The following ZNF391 variants were observed in gnomAD, a reference collection of about 807,000 sequenced individuals.
ZNF391 encodes zinc finger protein 391.
For missense variants in ZNF391, 375 were observed against 425.5 expected, an observed-to-expected ratio of 0.88 and a Z score of 1.04; for synonymous variants, 126 against 142.1, an observed-to-expected ratio of 0.89 and a Z score of 0.80.
chr6:27,384,912 G>A (rs1761564045), upstream of ZNF391, among the ~76,000 whole-genome samples: 1 of 151,958 alleles, frequency 6.6e-6, no homozygotes, highest in Non-Finnish European at 1.5e-5. Context: ...CAGCTACTTA[G>A]GAGGCTGAGG....
At chr6:27,397,855 C>T (rs1356997567) in intron 1 of ZNF391, among the ~76,000 whole-genome samples, 1 of 152,176 alleles carries the variant, frequency 6.6e-6, no homozygotes, top group Non-Finnish European at 1.5e-5. Flanking sequence ...GTCTCAAACT[C>T]CTGACCTCAA....
upstream of ZNF391, among the ~76,000 whole-genome samples, chr6:27,385,800 C>G (rs1254293767): frequency 6.6e-6 from 1 of 152,118 alleles, no homozygotes; most frequent in African/African-American, 2.4e-5. Flanking sequence ...CATCTATAGA[C>G]TTCATCCAAG....
At chr6:27,381,475 C>T (rs1761506532) in intron 1 of ZNF391, among the ~76,000 whole-genome samples, 1 of 152,258 alleles carries the variant, frequency 6.6e-6, no homozygotes, top group Non-Finnish European at 1.5e-5. Flanking sequence ...GAGCCGGCTC[C>T]GGCCTTGGCC....
At position 27,400,576 on chromosome 6, in the gene ZNF391, C is replaced by G. The variant is rs768483258; in HGVS notation, c.206C>G (p.Pro69Arg). The G allele has an allele frequency of 9.3e-6, 15 of 1,614,028 alleles. No individual in the cohort carries two copies. The South Asian group carries it at 9.9e-5, about 11-fold the overall frequency. The change falls in exon 3 of 3, where the codon CCA (proline) becomes CGA (arginine). Residue 69 changes from proline to arginine, a missense_variant. Coordinates refer to ENST00000244576, the MANE Select transcript of ZNF391 (RefSeq NM_001076781.3). ...GAATCCAGTGAATTTAGTCTAAGCC[C>G]AAACCTTGACGCACAACAGAAAATT... ...GPESSEFSLSPNLDAQQKIPK... is the reference protein window; with the variant it reads ...GPESSEFSLSRNLDAQQKIPK...
intron 1 of ZNF391, chr6:27,389,583 G>T (rs945973861): frequency 3.9e-5 from 15 of 385,506 alleles, no homozygotes; most frequent in Non-Finnish European, 5.9e-5. Flanking sequence ...AGGCCAAGGC[G>T]GGCGGATCAC....
At chr6:27,383,697 T>G (rs747255965) in intron 1 of ZNF391, among the ~76,000 whole-genome samples, 17 of 152,198 alleles carry the variant, frequency 1.1e-4, no homozygotes, top group Non-Finnish European at 2.2e-4. Flanking sequence ...CCTCATCTAA[T>G]CCTAGTTACT....
intron 1 of ZNF391, among the ~76,000 whole-genome samples, chr6:27,391,474 T>G (rs1377325157): frequency 1.3e-5 from 2 of 152,052 alleles, no homozygotes; most frequent in East Asian, 3.9e-4. Flanking sequence ...TCCCAATCAT[T>G]ACTTCTTAAT....
At chr6:27,377,890 C>G (rs1761441380) in intron 1 of ZNF391, among the ~76,000 whole-genome samples, 3 of 152,204 alleles carry the variant, frequency 2.0e-5, no homozygotes, top group African/African-American at 7.2e-5. Flanking sequence ...AATGATGCAG[C>G]AAGAGATGGA....
In ZNF391 at chr6:27,402,401, C is replaced by G. The variant is rs1425560095; in HGVS notation, c.*954C>G. The G allele has an allele frequency of 6.6e-6, 1 of 152,062 alleles. No homozygotes were observed. Among genetic ancestry groups the G allele is most frequent in the Non-Finnish European group, 1.5e-5 (1 of 68,020 alleles). 9.4% of individuals were successfully genotyped at this position (152,062 alleles called of 1,614,324 possible). ...ATTGGCACTTTTTGCCACTGTTATG[C>G]CTTAAATCTTGAGCTTCTTTCAGGA... On this transcript the variant is annotated 3_prime_UTR_variant, in exon 3 of 3. Coordinates refer to ENST00000244576, the MANE Select transcript of ZNF391 (RefSeq NM_001076781.3).
intron 1 of ZNF391, among the ~76,000 whole-genome samples, chr6:27,375,585 T>G (rs1029912858): frequency 6.6e-6 from 1 of 152,168 alleles, no homozygotes; most frequent in Non-Finnish European, 1.5e-5. Flanking sequence ...AATAGCCAAT[T>G]AAGCACACAC....
At chr6:27,391,749 T>C (rs1220121510) in intron 1 of ZNF391, among the ~76,000 whole-genome samples, 1 of 152,240 alleles carries the variant, frequency 6.6e-6, no homozygotes, top group Admixed American at 6.5e-5. Flanking sequence ...CGTTCTTAGA[T>C]GAGTCTGCCA....
At chr6:27,380,166 A>C (rs942153522) in intron 1 of ZNF391, among the ~76,000 whole-genome samples, 5 of 152,254 alleles carry the variant, frequency 3.3e-5, no homozygotes, top group African/African-American at 1.2e-4. Flanking sequence ...ATATGTGCCT[A>C]TAGTCCTAGT....
chr6:27,390,168 CCTT>C (rs1340620015), intron 1 of ZNF391, among the ~76,000 whole-genome samples: 2 of 152,212 alleles, frequency 1.3e-5, no homozygotes, highest in Non-Finnish European at 2.9e-5. Flanking sequence ...CCCTTCAAAA[CCTT>C]CTTCCTTCTG....
chr6:27,388,485 A>C (rs1761618971), upstream of ZNF391, among the ~76,000 whole-genome samples: 1 of 152,178 alleles, frequency 6.6e-6, no homozygotes, highest in Non-Finnish European at 1.5e-5. Context: ...GCTGTATTTT[A>C]ACAAGCTCAC....
intron 1 of ZNF391, among the ~76,000 whole-genome samples, chr6:27,390,820 C>T (rs1761691100): frequency 6.6e-6 from 1 of 152,120 alleles, no homozygotes; most frequent in Non-Finnish European, 1.5e-5. Flanking sequence ...AATGTTTTGC[C>T]ATAGTTTAAC....
chr6:27,377,688 C>T (rs1318855447), intron 1 of ZNF391, among the ~76,000 whole-genome samples: 4 of 152,312 alleles, frequency 2.6e-5, no homozygotes, highest in Admixed American at 2.6e-4. Flanking sequence ...TAAAACCTAG[C>T]TGTGCCCTGA....
At chr6:27,381,062 G>A (rs913033988) in intron 1 of ZNF391, among the ~76,000 whole-genome samples, 5 of 152,382 alleles carry the variant, frequency 3.3e-5, no homozygotes, top group Non-Finnish European at 5.9e-5. Flanking sequence ...CGCGCCGTGC[G>A]CCCACACTCT....
At chr6:27,392,110 C>T (rs1029665363) in intron 1 of ZNF391, among the ~76,000 whole-genome samples, 11 of 152,128 alleles carry the variant, frequency 7.2e-5, no homozygotes, top group South Asian at 4.1e-4. Flanking sequence ...TTTATTTTTC[C>T]CTGGTTTCTA....
Position 27,401,628 on chromosome 6 carries a change from TCTTCCCTC to T in ZNF391, c.*195_*202del, listed in dbSNP as rs1256543874. Reference sequence around the variant, plus strand: ...TATCCTTCTTTCGTCTCCCCTCCCTTCTTCCCTCCTTCCCTCCTTCCTACTTTTTCTCC... The same window carrying T: ...TATCCTTCTTTCGTCTCCCCTCCCTTCTTCCCTCCTTCCTACTTTTTCTCC... On this transcript the variant is annotated 3_prime_UTR_variant, in exon 3 of 3. Coordinates refer to ENST00000244576, the MANE Select transcript of ZNF391 (RefSeq NM_001076781.3). 7 of 456,286 alleles carry T rather than the reference TCTTCCCTC, an allele frequency of 1.5e-5. No individual in the cohort carries two copies. Among genetic ancestry groups the T allele is most frequent in the Non-Finnish European group, 2.3e-5 (6 of 261,756 alleles). 28.3% of individuals were successfully genotyped at this position (456,286 alleles called of 1,614,324 possible). A position where few individuals can be genotyped will look rare whatever the true frequency, so the allele number is the denominator to read the frequency against.
Sources: gnomAD v4.1 joint callset for allele counts (sites outside exome capture counted in the v4.1 genomes callset) on GRCh38, gnomAD v4.1.1 for gene constraint, MANE v1.5 for transcripts, NCBI Gene and HGNC (gene_info 2026-07-23, HGNC 2026-07-21) for gene names.